Variants in BRPF3 observed in about 807,000 individuals in gnomAD.
BRPF3 encodes bromodomain and PHD finger-containing protein 3.
Under a neutral mutation model 102.0 loss-of-function variants are expected in BRPF3, and 18 were observed. The observed-to-expected ratio is 0.18, with a 90% CI of 0.12 to 0.26. BRPF3 has a LOEUF of 0.26. Among genes scored for constraint, BRPF3 ranks in the 10% least tolerant of loss-of-function variants. BRPF3 has a pLI of 1.00. For synonymous variants in BRPF3, 570 were observed against 614.2 expected (o/e 0.93, Z 1.06); for missense variants, 1,147 against 1,567.8 (o/e 0.73, Z 4.53).
intron 7 of BRPF3, among the ~76,000 whole-genome samples, chr6:36,213,300 G>A (rs1768197746): frequency 6.6e-6 from 1 of 152,202 alleles, no homozygotes; most frequent in South Asian, 2.1e-4. Context: ...TTTGGTTTCA[G>A]TTGGTATGGG....
At position 36,231,372 on chromosome 6, in the gene BRPF3, G is replaced by A. The variant is rs531990910; in HGVS notation, c.*763G>A. Reference sequence around the variant, plus strand: ...CTTTAGCTGTTGACACAACTTCCCAGCTCTGCAAGTGTGCCCCCTGGATCA... The same window carrying A: ...CTTTAGCTGTTGACACAACTTCCCAACTCTGCAAGTGTGCCCCCTGGATCA... On this transcript the variant is annotated 3_prime_UTR_variant, in exon 13 of 13. Transcript: ENST00000357641. The A allele has an allele frequency of 7.8e-4, 119 of 152,146 alleles. No homozygotes were observed. Among genetic ancestry groups the A allele is most frequent in the Non-Finnish European group, 1.3e-3 (88 of 68,082 alleles). The allele number at this position is 152,146 out of a possible 1,614,324, so 9.4% of individuals were successfully genotyped here.
At position 36,210,092 on chromosome 6, in the gene BRPF3, G is replaced by A. The variant is rs541244602; in HGVS notation, c.1867-124G>A. On this transcript the variant is annotated intron_variant, in intron 5 of 12. Coordinates refer to ENST00000357641, the MANE Select transcript of BRPF3 (RefSeq NM_015695.3). This position sits in a 1 kb window ranked among gnomAD's most constrained non-coding sequence, Gnocchi z 4.7. ...CAGCAGGCCAGGGTGGGCCAGGACTGTAGGTCTTTGAGTTAGCCTGGCATG... is the reference window on the plus strand; with the variant it reads ...CAGCAGGCCAGGGTGGGCCAGGACTATAGGTCTTTGAGTTAGCCTGGCATG... 1 of 1,423,156 alleles carries A rather than the reference G, an allele frequency of 7.0e-7. No homozygotes were observed. The highest frequency in any genetic ancestry group is 2.4e-5 in the East Asian group (1 of 41,768). The allele number at this position is 1,423,156 out of a possible 1,614,324, so 88.2% of individuals were successfully genotyped here. A position where few individuals can be genotyped will look rare whatever the true frequency, so the allele number is the denominator to read the frequency against.
chr6:36,213,145 T>C (rs1268015729), intron 7 of BRPF3, among the ~76,000 whole-genome samples: 2 of 152,240 alleles, frequency 1.3e-5, no homozygotes, highest in Non-Finnish European at 2.9e-5. Flanking sequence ...GTGAGAATTG[T>C]AGATACCTAA....
chr6:36,216,828 C>G (rs1331607095), intron 8 of BRPF3, among the ~76,000 whole-genome samples: 1 of 152,138 alleles, frequency 6.6e-6, no homozygotes, highest in Non-Finnish European at 1.5e-5. Flanking sequence ...TACTTGAGCC[C>G]AGGAGCTCGA....
In BRPF3 at chr6:36,210,498, G is replaced by C. The variant is rs373182993; in HGVS notation, c.2149G>C (p.Glu717Gln). ...TCACCTGCCCGAGTCACCCAAATTG[G>C]AAGACTTTTACCGCTTCTCCTGGGA... ...GTHLPESPKLEDFYRFSWEDV... is the reference protein window; with the variant it reads ...GTHLPESPKLQDFYRFSWEDV... Residue 717 changes from glutamate to glutamine, a missense_variant, in exon 6 of 13, where the codon GAA (glutamate) becomes CAA (glutamine). Coordinates refer to ENST00000357641, the MANE Select transcript of BRPF3 (RefSeq NM_015695.3). This position sits in a 1 kb window ranked among gnomAD's most constrained non-coding sequence, Gnocchi z 4.7. The C allele has an allele frequency of 5.0e-6, 8 of 1,600,472 alleles. No individual in the cohort carries two copies. Among genetic ancestry groups the C allele is most frequent in the Non-Finnish European group, 6.8e-6 (8 of 1,178,928 alleles).
rs759287564 is a variant in BRPF3 at position 36,207,437 on chromosome 6, G to A, written c.1730G>A (p.Arg577Gln). The A allele has an allele frequency of 3.1e-6, 5 of 1,613,994 alleles. No individual in the cohort carries two copies. The highest frequency in any genetic ancestry group is 2.2e-5 in the South Asian group (2 of 91,070). ...ELIRKREKLKREQVKVQQAAM... is the reference protein window; with the variant it reads ...ELIRKREKLKQEQVKVQQAAM... ...ATTCGGAAGAGAGAGAAGCTCAAACGAGAGCAGGTAAGGAGGAGCCCCCAG... is the reference window on the plus strand; with the variant it reads ...ATTCGGAAGAGAGAGAAGCTCAAACAAGAGCAGGTAAGGAGGAGCCCCCAG... Residue 577 changes from arginine (R) to glutamine (Q), a missense_variant, in exon 4 of 13, where the codon CGA (arginine) becomes CAA (glutamine). Arg to Gln is a conservative substitution (Grantham distance 43, BLOSUM62 1). Coordinates refer to ENST00000357641, the MANE Select transcript of BRPF3 (RefSeq NM_015695.3).
chr6:36,201,641 C>T lies in BRPF3; in HGVS notation c.1319C>T (p.Ser440Phe). The T allele has an allele frequency of 6.2e-7, 1 of 1,614,124 alleles. No homozygotes were observed. The highest frequency in any genetic ancestry group is 2.2e-5 in the East Asian group (1 of 44,880). Residue 440 changes from serine (S) to phenylalanine (F), a missense_variant, in exon 2 of 13, where the codon TCC becomes TTC. By Grantham distance (155) the Ser-to-Phe change is radical. This residue lies in a region of BRPF3 where 157 missense variants were observed against 163.6 expected (regional missense o/e 0.96). Transcript: ENST00000357641. The surrounding 1 kb of genome is among the most constrained non-coding windows in gnomAD (Gnocchi z 5.1). ...GAAGCTCAAGGCGGGGTGAGTGGCT[C>T]CCTCAAGGGAGTGCCCAAGAAAAGC... ...EQEAQGGVSG[S>F]LKGVPKKSKM...
chr6:36,219,977 A>C (rs951017590), intron 9 of BRPF3, among the ~76,000 whole-genome samples: 2 of 152,170 alleles, frequency 1.3e-5, no homozygotes, highest in African/African-American at 4.8e-5. Flanking sequence ...CTGAACACCT[A>C]CTGTATGCCA....
At chr6:36,205,050 G>A (rs546536467) in intron 3 of BRPF3, among the ~76,000 whole-genome samples, 13 of 152,314 alleles carry the variant, frequency 8.5e-5, no homozygotes, top group African/African-American at 1.7e-4. Context: ...GAGAGCATGC[G>A]TAGCTTTCCA....
Position 36,201,372 on chromosome 6 carries a change from G to A in BRPF3, c.1050G>A (p.Val350=). ...TGAACTGCTACACAGCATTCCATGTGACATGTGCACAGCGGGCTGGGCTCT... is the reference window on the plus strand; with the variant it reads ...TGAACTGCTACACAGCATTCCATGTAACATGTGCACAGCGGGCTGGGCTCT... ...HKVNCYTAFH[V]TCAQRAGLFM... The change falls in exon 2 of 13, where the codon GTG becomes GTA. Residue 350 remains valine, a synonymous_variant. Transcript: ENST00000357641. The surrounding 1 kb of genome is among the most constrained non-coding windows in gnomAD (Gnocchi z 5.1). 1 of 1,614,166 alleles carries A rather than the reference G, an allele frequency of 6.2e-7. No individual in the cohort carries two copies. The highest frequency in any genetic ancestry group is 1.7e-5 in the Admixed American group (1 of 60,016).
At chr6:36,199,170 C>T (rs186651943) in intron 1 of BRPF3, among the ~76,000 whole-genome samples, 1 of 152,266 alleles carries the variant, frequency 6.6e-6, no homozygotes, top group East Asian at 1.9e-4. Flanking sequence ...AGGTGAGTGG[C>T]GGGCAAGCGA....
rs75620805 is a variant in BRPF3, at chr6:36,204,485, C to T, written c.1449-173C>T. ...TGAAATAACTCATGCTGAATCTGAG[C>T]TGCTTAACTTTACTGTCCTTTTCAA... On this transcript the variant is annotated intron_variant, in intron 2 of 12. Coordinates refer to ENST00000357641, the MANE Select transcript of BRPF3 (RefSeq NM_015695.3). The T allele has an allele frequency of 2.5e-4, 170 of 674,060 alleles. 1 individual carries two copies. In the East Asian group the frequency reaches 4.4e-3, roughly 17 times the overall value. The allele number at this position is 674,060 out of a possible 1,614,324, so 41.8% of individuals were successfully genotyped here. A position where few individuals can be genotyped will look rare whatever the true frequency, so the allele number is the denominator to read the frequency against.
chr6:36,214,362 T>C lies in BRPF3; in HGVS notation c.2965T>C (p.Ser989Pro). The change falls in exon 8 of 13, where the codon TCC becomes CCC. Residue 989 changes from serine to proline, a missense_variant. Ser to Pro is a moderately conservative substitution (Grantham distance 74). Around this residue, in one of 11 missense-constraint regions of BRPF3, gnomAD observed 379 missense variants for 426.3 expected, o/e 0.89. Transcript: ENST00000357641. ...RSCSESEGER[S>P]PQQEEETGMT... The stretch of plus-strand genomic sequence containing the variant: ...CTGTAGTGAGAGCGAAGGGGAGAGG[T>C]CCCCCCAGCAGGAGGAAGAGACAGG... 6.3e-7 allele frequency: 1 copy of C among 1,594,016 alleles called. No individual in the cohort carries two copies. Among genetic ancestry groups the C allele is most frequent in the Non-Finnish European group, 8.5e-7 (1 of 1,170,058 alleles).
At position 36,209,885 on chromosome 6, in the gene BRPF3, C is replaced by T. The variant is rs1303535564; in HGVS notation, c.1836C>T (p.His612=). Residue 612 remains histidine, a synonymous_variant, in exon 5 of 13, where the codon CAC becomes CAT. Coordinates refer to ENST00000357641, the MANE Select transcript of BRPF3 (RefSeq NM_015695.3). ...TGCTGCAGGAGAAGGATCCTGCACA[C>T]ATCTTCGCAGAACCAGTCAACTTGA... ...LDLLQEKDPA[H]IFAEPVNLSE... The T allele has an allele frequency of 1.2e-6, 2 of 1,614,186 alleles. No individual in the cohort carries two copies. Among genetic ancestry groups the T allele is most frequent in the Admixed American group, 1.7e-5 (1 of 60,026 alleles).
At chr6:36,213,187 A>G (rs979119190) in intron 7 of BRPF3, among the ~76,000 whole-genome samples, 5 of 152,238 alleles carry the variant, frequency 3.3e-5, no homozygotes, top group African/African-American at 1.2e-4. Flanking sequence ...CTATTTATTG[A>G]TTAAGCATGT....
intron 1 of BRPF3, among the ~76,000 whole-genome samples, chr6:36,198,778 A>G (rs1321561177): frequency 6.6e-6 from 1 of 152,214 alleles, no homozygotes; most frequent in East Asian, 1.9e-4. Context: ...TGTATCCCCA[A>G]AGGTCTCTCC....
chr6:36,228,093 A>G (rs184887299), intron 11 of BRPF3, among the ~76,000 whole-genome samples: 2 of 152,288 alleles, frequency 1.3e-5, no homozygotes, highest in African/African-American at 2.4e-5. Context: ...TTTAGTACCA[A>G]TGTGGTTTTA....
intron 7 of BRPF3, among the ~76,000 whole-genome samples, chr6:36,212,596 G>A (rs1195612137): frequency 6.6e-6 from 1 of 150,594 alleles, no homozygotes; most frequent in East Asian, 1.9e-4. Flanking sequence ...AAAAAAAAAG[G>A]TGTAGCCTCA....
In BRPF3 at chr6:36,214,213, A is replaced by G. The variant is rs1768240410; in HGVS notation, c.2816A>G (p.Lys939Arg). ...VLFKKAKNGV[K>R]LQRSPDRVLE... ...TTCAAGAAGGCCAAGAATGGGGTTA[A>G]GCTACAGAGAAGCCCAGACAGGGTC... The change falls in exon 8 of 13, where the codon AAG becomes AGG. Residue 939 changes from lysine (K) to arginine (R), a missense_variant. By Grantham distance (26) the Lys-to-Arg change is conservative. Around this residue, in one of 11 missense-constraint regions of BRPF3, gnomAD observed 379 missense variants for 426.3 expected, o/e 0.89. Transcript: ENST00000357641. 6.2e-7 allele frequency: 1 copy of G among 1,614,176 alleles called. No individual in the cohort carries two copies. The highest frequency in any genetic ancestry group is 8.5e-7 in the Non-Finnish European group (1 of 1,180,030).
Sources: gnomAD v4.1 joint callset for allele counts (sites outside exome capture counted in the v4.1 genomes callset) on GRCh38, gnomAD v4.1.1 for gene constraint, gnomAD v4.1.1 regional missense constraint, Gnocchi (gnomAD v3.1) non-coding constraint, MANE v1.5 for transcripts, NCBI Gene and HGNC (gene_info 2026-07-23, HGNC 2026-07-21) for gene names.